The following SLC10A7 variants were observed in gnomAD, a reference collection of about 807,000 sequenced individuals.
SLC10A7 encodes the protein sodium/bile acid cotransporter 7.
A neutral mutation model predicts 43.2 loss-of-function variants in SLC10A7; 29 were observed. The ratio of observed to expected loss-of-function variants is 0.67; its 90% confidence interval spans 0.50 to 0.92. The LOEUF is 0.92. SLC10A7 is among the 40% of genes least tolerant of loss of function. The pLI, the probability that SLC10A7 is intolerant of heterozygous loss-of-function variation, is 0.00. For missense variants in SLC10A7, 295 were observed against 403.2 expected (o/e 0.73, Z 2.30); for synonymous variants, 152 against 144.8 (o/e 1.05, Z -0.35).
At chr4:146,384,349 A>G (rs2149794850) in intron 5 of SLC10A7, among the ~76,000 whole-genome samples, 1 of 152,164 alleles carries the variant, frequency 6.6e-6, no homozygotes, top group Admixed American at 6.6e-5. Context: ...TCATATGGTC[A>G]AAAGATAAAT....
In SLC10A7 at chr4:146,330,392, A is replaced by G. The variant is rs74363803; in HGVS notation, c.436-4396T>C. 1.1e-3 allele frequency among the ~76,000 whole-genome samples: 174 copies of G among 152,296 alleles called. 1 individual carries two copies. In the East Asian group the frequency reaches 0.02, roughly 17 times the overall value. On this transcript the variant is annotated intron_variant, in intron 5 of 11. Transcript: ENST00000335472. ...AAAGATCACACAGATATTAAAATTGACTTTTTAGATTTGTCTCCAGGATAC... is the reference window on the plus strand; with the variant it reads ...AAAGATCACACAGATATTAAAATTGGCTTTTTAGATTTGTCTCCAGGATAC...
intron 5 of SLC10A7, among the ~76,000 whole-genome samples, chr4:146,334,864 A>G (rs1206283336): frequency 6.6e-6 from 1 of 152,106 alleles, no homozygotes; most frequent in Non-Finnish European, 1.5e-5. Flanking sequence ...TTTGTAGAAC[A>G]TGAAGAATTT....
At chr4:146,465,152 T>C in intron 4 of SLC10A7, among the ~76,000 whole-genome samples, 1 of 152,124 alleles carries the variant, frequency 6.6e-6, no homozygotes, top group East Asian at 1.9e-4. Flanking sequence ...TTAACACATA[T>C]ATTCTCTCTT....
At chr4:146,495,698 CT>C (rs2150014408) in intron 4 of SLC10A7, among the ~76,000 whole-genome samples, 2 of 151,388 alleles carry the variant, frequency 1.3e-5, no homozygotes, top group Non-Finnish European at 2.9e-5. Flanking sequence ...TGATAATTTT[CT>C]TTGCTCAGGA....
intron 7 of SLC10A7, among the ~76,000 whole-genome samples, chr4:146,300,752 T>C (rs1329441632): frequency 6.6e-6 from 1 of 152,228 alleles, no homozygotes; most frequent in African/African-American, 2.4e-5. Context: ...TATTTTTTCT[T>C]GAACTGGTAT....
At chr4:146,302,095 T>C (rs73855141) in intron 7 of SLC10A7, among the ~76,000 whole-genome samples, 1,621 of 152,316 alleles carry the variant, frequency 0.011, 44 homozygotes, top group East Asian at 0.086. Flanking sequence ...TGCAGATTTT[T>C]TGTCTGTATG....
chr4:146,418,772 A>G (rs1728753585), intron 5 of SLC10A7, among the ~76,000 whole-genome samples: 1 of 152,166 alleles, frequency 6.6e-6, no homozygotes, highest in African/African-American at 2.4e-5. Flanking sequence ...CCACCTGCAG[A>G]GAGTGTCAGA....
intron 5 of SLC10A7, among the ~76,000 whole-genome samples, chr4:146,329,483 T>C (rs1733384453): frequency 6.6e-6 from 1 of 152,220 alleles, no homozygotes; most frequent in Admixed American, 6.5e-5. Context: ...TATTATCCCA[T>C]CTACTAGGTA....
At chr4:146,342,949 T>G (rs1282036431) in intron 5 of SLC10A7, among the ~76,000 whole-genome samples, 1 of 151,826 alleles carries the variant, frequency 6.6e-6, no homozygotes, top group Non-Finnish European at 1.5e-5. Flanking sequence ...AAAGCAAAGT[T>G]TTGATGGATG....
chr4:146,414,045 A>G (rs1728387162), intron 5 of SLC10A7, among the ~76,000 whole-genome samples: 1 of 152,090 alleles, frequency 6.6e-6, no homozygotes, highest in Non-Finnish European at 1.5e-5. Flanking sequence ...AAAGAGGAGG[A>G]TGGGGAGGTC....
chr4:146,428,976 C>CT (rs1405278008), intron 5 of SLC10A7, among the ~76,000 whole-genome samples: 1 of 152,054 alleles, frequency 6.6e-6, no homozygotes, highest in Non-Finnish European at 1.5e-5. Context: ...GTTTGGTAAA[C>CT]TATTATACAG....
intron 7 of SLC10A7, among the ~76,000 whole-genome samples, chr4:146,300,346 C>T (rs1731078319): frequency 1.3e-5 from 2 of 152,164 alleles, no homozygotes; most frequent in African/African-American, 4.8e-5. Context: ...TACTTTGTTT[C>T]CTCCTGCCAG....
chr4:146,432,606 T>C (rs1436566800), intron 5 of SLC10A7, among the ~76,000 whole-genome samples: 1 of 152,060 alleles, frequency 6.6e-6, no homozygotes, highest in East Asian at 1.9e-4. Flanking sequence ...AGGGAGGAAA[T>C]TGACTCCAAA....
intron 5 of SLC10A7, among the ~76,000 whole-genome samples, chr4:146,393,058 A>G (rs945308484): frequency 5.9e-5 from 9 of 151,850 alleles, no homozygotes; most frequent in South Asian, 2.1e-4. Context: ...TTAAAAGTCA[A>G]TTGTGTCCCA....
At chr4:146,293,805 A>G (rs1313053254) in intron 8 of SLC10A7, 125 bp downstream of exon 8, 8 of 553,110 alleles carry the variant, frequency 1.4e-5, no homozygotes, top group Non-Finnish European at 2.4e-5. Flanking sequence ...AGTAAATGTA[A>G]AATAAAATTA....
intron 3 of SLC10A7, among the ~76,000 whole-genome samples, chr4:146,508,145 G>T (rs151263992): frequency 6.6e-5 from 10 of 152,084 alleles, no homozygotes; most frequent in African/African-American, 2.2e-4. Flanking sequence ...CATTAATGCC[G>T]CATTTTTGAA....
chr4:146,403,020 A>C (rs1233254631), intron 5 of SLC10A7, among the ~76,000 whole-genome samples: 1 of 152,222 alleles, frequency 6.6e-6, no homozygotes, highest in African/African-American at 2.4e-5. Flanking sequence ...TGAGAATAAT[A>C]ATGAGTTAAT....
At chr4:146,399,480 G>T (rs1336387488) in intron 5 of SLC10A7, among the ~76,000 whole-genome samples, 1 of 151,682 alleles carries the variant, frequency 6.6e-6, no homozygotes, top group East Asian at 1.9e-4. Context: ...ATTTCAGGGG[G>T]ATTAGAGTAG....
intron 4 of SLC10A7, among the ~76,000 whole-genome samples, chr4:146,447,207 G>C (rs1731168235): frequency 6.6e-6 from 1 of 152,058 alleles, no homozygotes; most frequent in Non-Finnish European, 1.5e-5. Context: ...GATGAGATTG[G>C]GCAAGTTCAG....
Sources: gnomAD v4.1 joint callset for allele counts (sites outside exome capture counted in the v4.1 genomes callset) on GRCh38, gnomAD v4.1.1 for gene constraint, MANE v1.5 for transcripts, NCBI Gene and HGNC (gene_info 2026-07-23, HGNC 2026-07-21) for gene names.